Variants in CNTLN observed in about 807,000 individuals in gnomAD.
The protein encoded by CNTLN is centlein, centrosomal protein.
CNTLN carries 212 observed loss-of-function variants against 180.0 expected under a neutral mutation model. The ratio of observed to expected loss-of-function variants is 1.18; its 90% CI spans 1.05 to 1.32. The LOEUF is 1.32. CNTLN is among the 40% of genes most tolerant of loss of function. The pLI, the probability that CNTLN is intolerant of heterozygous loss-of-function variation, is 0.00. For synonymous variants in CNTLN, 722 were observed against 563.1 expected (o/e 1.28, Z -3.99); for missense variants, 2,095 against 1,610.9 (o/e 1.30, Z -5.14).
At chr9:17,442,219 A>G (rs1489244741) in intron 18 of CNTLN, among the ~76,000 whole-genome samples, 2 of 152,160 alleles carry the variant, frequency 1.3e-5, no homozygotes, top group South Asian at 2.1e-4. Flanking sequence ...CAGAATATAT[A>G]TTCTTCTCAA....
rs545889777 is a variant in CNTLN, at chr9:17,351,673, C to T, written c.1886+9229C>T. 1.2e-4 allele frequency among the ~76,000 whole-genome samples: 18 copies of T among 152,202 alleles called. No homozygotes were observed. In the East Asian group the frequency reaches 2.1e-3, roughly 18 times the overall value. On this transcript the variant is annotated intron_variant, in intron 12 of 25. Transcript: ENST00000380647. ...ACTGTTACGCCCTTATTCATACCAC[C>T]ACCATTTCTTCCCTAGTCAACTAGA...
intron 6 of CNTLN, among the ~76,000 whole-genome samples, chr9:17,276,008 G>T (rs911316558): frequency 1.3e-5 from 2 of 152,070 alleles, no homozygotes; most frequent in African/African-American, 2.4e-5. Flanking sequence ...GGGTGCATGG[G>T]TGGAAAAATC....
intron 23 of CNTLN, among the ~76,000 whole-genome samples, chr9:17,483,427 A>G (rs1347683695): frequency 1.3e-5 from 2 of 152,202 alleles, no homozygotes; most frequent in African/African-American, 4.8e-5. Context: ...TTATAGTTAT[A>G]CACACCCTTT....
At chr9:17,374,511 G>C (rs767499117) in intron 13 of CNTLN, among the ~76,000 whole-genome samples, 4 of 152,126 alleles carry the variant, frequency 2.6e-5, no homozygotes, top group South Asian at 2.1e-4. Flanking sequence ...ATATATTCTT[G>C]GAAGGAATGT....
At chr9:17,426,735 C>G (rs2584553) in intron 18 of CNTLN, among the ~76,000 whole-genome samples, 2 of 151,752 alleles carry the variant, frequency 1.3e-5, no homozygotes, top group African/African-American at 4.8e-5. Context: ...TTTCTGATTA[C>G]TTTGAGCCAG....
chr9:17,333,283 A>G (rs1820766101), intron 10 of CNTLN, among the ~76,000 whole-genome samples: 1 of 152,126 alleles, frequency 6.6e-6, no homozygotes, highest in African/African-American at 2.4e-5. Flanking sequence ...GAGAGCTTAT[A>G]TTAATACTTC....
intron 2 of CNTLN, among the ~76,000 whole-genome samples, chr9:17,153,111 A>T (rs1227599865): frequency 6.6e-6 from 1 of 152,136 alleles, no homozygotes; most frequent in African/African-American, 2.4e-5. Flanking sequence ...CTCTTTATCC[A>T]ATTTGGCAGT....
intron 3 of CNTLN, 72 bp downstream of exon 3, chr9:17,226,359 A>AT (rs1430719709): frequency 1.6e-5 from 13 of 828,964 alleles, no homozygotes; most frequent in Non-Finnish European, 2.2e-5. Flanking sequence ...AATTATTTTT[A>AT]TTTTTTTGCA....
chr9:17,477,360 A>G lies in CNTLN; in HGVS notation c.3856-6935A>G, dbSNP rs151220485. 1.2e-3 allele frequency among the ~76,000 whole-genome samples: 181 copies of G among 152,280 alleles called. 4 individuals are homozygous for G. The South Asian group carries it at 0.03, about 26-fold the overall frequency. ...TTTCAACTTTAAAGTTGAAGACTTT[A>G]AAGTCTTATTATTTAAGAAATACAT... On this transcript the variant is annotated intron_variant, in intron 23 of 25. Coordinates refer to ENST00000380647, the MANE Select transcript of CNTLN (RefSeq NM_017738.4).
At chr9:17,349,122 C>G (rs532628547) in intron 12 of CNTLN, among the ~76,000 whole-genome samples, 1 of 152,282 alleles carries the variant, frequency 6.6e-6, no homozygotes, top group Non-Finnish European at 1.5e-5. Flanking sequence ...TGTTGTTCCA[C>G]TACTCCTGAG....
chr9:17,265,075 A>C (rs373656716), intron 5 of CNTLN, among the ~76,000 whole-genome samples: 2 of 146,950 alleles, frequency 1.4e-5, no homozygotes, highest in African/African-American at 5.1e-5. Context: ...TTCCAACACT[A>C]TGTTGAATAG....
chr9:17,267,551 C>T (rs893769294), intron 5 of CNTLN, among the ~76,000 whole-genome samples: 2 of 151,788 alleles, frequency 1.3e-5, no homozygotes, highest in Admixed American at 6.5e-5. Context: ...ATCTTTGTGG[C>T]GTTCTCTGTG....
chr9:17,474,107 C>T (rs1342738164), intron 23 of CNTLN, among the ~76,000 whole-genome samples: 2 of 152,032 alleles, frequency 1.3e-5, no homozygotes, highest in African/African-American at 4.8e-5. Flanking sequence ...CAATCTGTAC[C>T]AACACTGTAA....
chr9:17,226,916 T>A lies in CNTLN; in HGVS notation c.534+629T>A, dbSNP rs188075971. 1.7e-3 allele frequency among the ~76,000 whole-genome samples: 260 copies of A among 151,480 alleles called. 1 individual carries two copies. The East Asian group carries it at 0.033, about 19-fold the overall frequency. On this transcript the variant is annotated intron_variant, in intron 3 of 25. Transcript: ENST00000380647. Reference sequence around the variant, plus strand: ...GAGGGAGGTGCCACAGACTTTTTTTTAATTTTTTTAATTTTTATATATATA... The same window carrying A: ...GAGGGAGGTGCCACAGACTTTTTTTAAATTTTTTTAATTTTTATATATATA...
chr9:17,167,621 GA>G (rs1464178459), intron 2 of CNTLN: 17 of 152,178 alleles, frequency 1.1e-4, no homozygotes, highest in Non-Finnish European at 1.5e-5. Context: ...GTCAGTAAGT[GA>G]AAAATTCTAC....
chr9:17,268,342 A>C (rs1422377127), intron 5 of CNTLN, among the ~76,000 whole-genome samples: 1 of 152,136 alleles, frequency 6.6e-6, no homozygotes, highest in Non-Finnish European at 1.5e-5. Context: ...CGGTGGCTTT[A>C]GAATAGCGGA....
chr9:17,138,539 A>G (rs1817872596), intron 1 of CNTLN, among the ~76,000 whole-genome samples: 1 of 152,244 alleles, frequency 6.6e-6, no homozygotes, highest in South Asian at 2.1e-4. Flanking sequence ...TTATTCACAA[A>G]GAAAAACAAA....
At chr9:17,397,935 A>C (rs1826663305) in intron 15 of CNTLN, among the ~76,000 whole-genome samples, 1 of 152,220 alleles carries the variant, frequency 6.6e-6, no homozygotes, top group Non-Finnish European at 1.5e-5. Context: ...AAATTCTTGC[A>C]CTAGAGCTTT....
rs1257840514 is a variant in CNTLN at position 17,328,422 on chromosome 9, C to T, written c.1342-2210C>T. 3.3e-5 allele frequency among the ~76,000 whole-genome samples: 5 copies of T among 152,196 alleles called. No individual in the cohort carries two copies. In the East Asian group the frequency reaches 7.7e-4, roughly 23 times the overall value. ...CAGTAAATCTAGCAACAGTGGGGCA[C>T]ATTCTTCCCTGAAAACAATTGGCTG... On this transcript the variant is annotated intron_variant, in intron 8 of 25. Coordinates refer to ENST00000380647, the MANE Select transcript of CNTLN (RefSeq NM_017738.4).
Sources: gnomAD v4.1 joint callset for allele counts (sites outside exome capture counted in the v4.1 genomes callset) on GRCh38, gnomAD v4.1.1 for gene constraint, MANE v1.5 for transcripts, NCBI Gene and HGNC (gene_info 2026-07-23, HGNC 2026-07-21) for gene names.